Variants in ANO2 observed in about 807,000 individuals in gnomAD.
The protein encoded by ANO2 is anoctamin-2.
Under a neutral mutation model 124.2 loss-of-function variants are expected in ANO2, and 101 were observed. The observed-to-expected ratio is 0.81, with a 90% CI of 0.69 to 0.96. The LOEUF is 0.96. ANO2 is among the 40% of genes least tolerant of loss of function. The pLI is 0.00. For synonymous variants in ANO2, 486 were observed against 482.5 expected (o/e 1.01, Z -0.09); for missense variants, 1,293 against 1,274.5 (o/e 1.01, Z -0.22).
intron 18 of ANO2, 53 bp from the exon 19 acceptor site, chr12:5,612,809 A>C: frequency 6.2e-7 from 1 of 1,609,684 alleles, no homozygotes; most frequent in Non-Finnish European, 8.5e-7. Context: ...GAGCTCTGAG[A>C]AGCAGGGGCG....
intron 10 of ANO2, among the ~76,000 whole-genome samples, chr12:5,798,012 G>A (rs1378362048): frequency 2.0e-5 from 3 of 152,188 alleles, no homozygotes; most frequent in African/African-American, 7.2e-5. Context: ...TGAAGTCTCT[G>A]CGGGAAAAGA....
chr12:5,937,998 C>T (rs1354177951), intron 1 of ANO2, among the ~76,000 whole-genome samples: 5 of 152,158 alleles, frequency 3.3e-5, no homozygotes. Flanking sequence ...CAGTACCGTT[C>T]GACTTCTACC....
chr12:5,917,564 T>TC (rs1941455284), intron 3 of ANO2, among the ~76,000 whole-genome samples: 1 of 113,560 alleles, frequency 8.8e-6, no homozygotes, highest in South Asian at 3.0e-4. Flanking sequence ...TTCTCTTTTT[T>TC]CTTTTTTTTT....
At chr12:5,850,330 T>A (rs4764508) in intron 4 of ANO2, among the ~76,000 whole-genome samples, 1 of 150,964 alleles carries the variant, frequency 6.6e-6, no homozygotes, top group Non-Finnish European at 1.5e-5. Context: ...GCAAGAGAAT[T>A]GCTTCAGCCC....
At chr12:5,875,215 T>C (rs1435317227) in intron 3 of ANO2, among the ~76,000 whole-genome samples, 1 of 152,218 alleles carries the variant, frequency 6.6e-6, no homozygotes, top group Non-Finnish European at 1.5e-5. Flanking sequence ...CTTGTCCTCT[T>C]AATGCCCTGA....
In ANO2 at chr12:5,606,787, T is replaced by C. The variant is rs535524179; in HGVS notation, c.2087+5869A>G. 2.4e-4 allele frequency among the ~76,000 whole-genome samples: 37 copies of C among 152,302 alleles called. No individual in the cohort carries two copies. In the South Asian group the frequency reaches 6.6e-3, roughly 27 times the overall value. ...ATACATGCACACACACACATGCATGTTTGTGCACACGCACATACAGAATCT... is the reference window on the plus strand; with the variant it reads ...ATACATGCACACACACACATGCATGCTTGTGCACACGCACATACAGAATCT... On this transcript the variant is annotated intron_variant, in intron 19 of 24. Coordinates refer to ENST00000682330, the MANE Select transcript of ANO2 (RefSeq NM_001364791.2).
intron 14 of ANO2, among the ~76,000 whole-genome samples, chr12:5,669,664 C>A (rs965541575): frequency 6.6e-6 from 1 of 152,152 alleles, no homozygotes; most frequent in African/African-American, 2.4e-5. Flanking sequence ...ATGATATTGG[C>A]TGTGGGTTTG....
rs992718321 is a variant in ANO2, at chr12:5,654,057, A to T, written c.1546-6256T>A. Among the ~76,000 whole-genome samples, 11 of 152,372 alleles carry T rather than the reference A, an allele frequency of 7.2e-5. No individual in the cohort carries two copies. In the East Asian group the frequency reaches 1.9e-3, roughly 27 times the overall value. On this transcript the variant is annotated intron_variant, in intron 14 of 24. Transcript: ENST00000682330. ...CTGACTATCTGGTAATCTACAGTGC[A>T]TCTTTCATTATGACATGAAGGATCA...
chr12:5,879,852 C>A (rs142685642), intron 3 of ANO2, among the ~76,000 whole-genome samples: 1 of 152,246 alleles, frequency 6.6e-6, no homozygotes, highest in East Asian at 1.9e-4. Flanking sequence ...AGTGTGAACT[C>A]GTTCTGAGGT....
At chr12:5,735,955 G>A (rs1364199574) in intron 13 of ANO2, among the ~76,000 whole-genome samples, 1 of 152,234 alleles carries the variant, frequency 6.6e-6, no homozygotes, top group Non-Finnish European at 1.5e-5. Flanking sequence ...GTTCAGATAA[G>A]GCCACACTCT....
intron 3 of ANO2, among the ~76,000 whole-genome samples, chr12:5,897,066 G>A (rs980054342): frequency 3.9e-5 from 6 of 152,106 alleles, no homozygotes; most frequent in African/African-American, 1.4e-4. Flanking sequence ...CTTTTTTGAA[G>A]AGAACCTAGG....
chr12:5,587,644 G>A (rs1390112409), intron 20 of ANO2, among the ~76,000 whole-genome samples: 2 of 152,068 alleles, frequency 1.3e-5, no homozygotes, highest in South Asian at 2.1e-4. Flanking sequence ...AGTGGGAGAC[G>A]ATTCCTAAAG....
chr12:5,697,913 C>T (rs1423945353), intron 14 of ANO2, among the ~76,000 whole-genome samples: 1 of 152,198 alleles, frequency 6.6e-6, no homozygotes, highest in Admixed American at 6.5e-5. Flanking sequence ...GGGGGAGGGG[C>T]CCCCACCATT....
chr12:5,776,745 G>A (rs1047108178), intron 10 of ANO2, among the ~76,000 whole-genome samples: 2 of 152,216 alleles, frequency 1.3e-5, no homozygotes, highest in Non-Finnish European at 2.9e-5. Flanking sequence ...AAGCTCCTTT[G>A]ATCTTAGATA....
Position 5,599,494 on chromosome 12 carries a change from G to A in ANO2, c.2223C>T (p.Tyr741=), listed in dbSNP as rs745385253. ...LEPYTGLTPE[Y]MEMIIQFGFV... ...ACCATGGGTTCTCACTCATTTCCAT[G>A]TACTCCGGAGTCAGTCCTGTGTATG... Residue 741 remains tyrosine (Y), a synonymous_variant, in exon 20 of 25, where the codon TAC becomes TAT. Coordinates refer to ENST00000682330, the MANE Select transcript of ANO2 (RefSeq NM_001364791.2). 4 of 1,604,378 alleles carry A rather than the reference G, an allele frequency of 2.5e-6. No individual in the cohort carries two copies. Among genetic ancestry groups the A allele is most frequent in the African/African-American group, 2.7e-5 (2 of 74,200 alleles).
chr12:5,577,788 T>G (rs1264115188), intron 22 of ANO2, among the ~76,000 whole-genome samples, 167 bp downstream of exon 22: 1 of 152,194 alleles, frequency 6.6e-6, no homozygotes, highest in Admixed American at 6.5e-5. Context: ...AGCGACAGCA[T>G]GATGGGTTAC....
chr12:5,757,156 A>G (rs973626632), intron 10 of ANO2, among the ~76,000 whole-genome samples: 1 of 152,234 alleles, frequency 6.6e-6, no homozygotes, highest in Non-Finnish European at 1.5e-5. Flanking sequence ...TCTATTTTGT[A>G]TATAGATGGT....
chr12:5,784,444 T>A (rs1952486621), intron 10 of ANO2, among the ~76,000 whole-genome samples: 1 of 152,204 alleles, frequency 6.6e-6, no homozygotes, highest in Non-Finnish European at 1.5e-5. Flanking sequence ...ATTCGTTGAA[T>A]CGTTGAGTAG....
intron 14 of ANO2, among the ~76,000 whole-genome samples, chr12:5,694,336 G>C (rs1029627815): frequency 6.6e-6 from 1 of 151,382 alleles, no homozygotes; most frequent in Non-Finnish European, 1.5e-5. Context: ...GAGAGAGAAG[G>C]AGAAAGCCAC....
Sources: allele counts gnomAD v4.1 joint callset (sites outside exome capture counted in the v4.1 genomes callset), GRCh38; gene constraint gnomAD v4.1.1; transcripts MANE v1.5; gene names NCBI Gene and HGNC (gene_info 2026-07-23, HGNC 2026-07-21).